The following PRPF38B variants were observed in gnomAD, a reference collection of about 807,000 sequenced individuals.
PRPF38B encodes the protein pre-mRNA processing factor 38B, also known as pre-mRNA-splicing factor 38B.
In PRPF38B, 18 loss-of-function variants were observed where a neutral mutation model predicts 67.2. That is an observed-to-expected ratio of 0.27 (90% CI 0.19 to 0.40). PRPF38B has a LOEUF of 0.40. Among genes scored for constraint, PRPF38B ranks in the 10% least tolerant of loss-of-function variants. The pLI is 1.00. For missense variants in PRPF38B, 544 were observed against 684.9 expected (o/e 0.79, Z 2.30); for synonymous variants, 246 against 234.2 (o/e 1.05, Z -0.46).
chr1:108,692,905 C>T, intron 1 of PRPF38B, 38 bp downstream of exon 1: 3 of 1,581,120 alleles, frequency 1.9e-6, no homozygotes, highest in Non-Finnish European at 1.7e-6. Context: ...GGGGTAAGTT[C>T]GGAAGAGGGG....
At chr1:108,694,255 T>TA (rs2101033603) in intron 1 of PRPF38B, among the ~76,000 whole-genome samples, 1 of 152,326 alleles carries the variant, frequency 6.6e-6, no homozygotes, top group African/African-American at 2.4e-5. Context: ...TCCTTAGCTT[T>TA]ATTTATGCAG....
At chr1:108,694,901 A>G (rs967917457) in intron 1 of PRPF38B, among the ~76,000 whole-genome samples, 1 of 152,032 alleles carries the variant, frequency 6.6e-6, no homozygotes, top group African/African-American at 2.4e-5. Flanking sequence ...CCTCTTAGCA[A>G]ATATGATACT....
Position 108,700,097 on chromosome 1 carries a change from GCAGTAGTTCGCACTCCTCAAGCTCTC to G in PRPF38B, c.*79_*104del. On this transcript the variant is annotated 3_prime_UTR_variant, in exon 6 of 6. Coordinates refer to ENST00000370025, the MANE Select transcript of PRPF38B (RefSeq NM_018061.4). Reference sequence around the variant, plus strand: ...CTTTTTTCCCCCACGTTGAGATTGTGCAGTAGTTCGCACTCCTCAAGCTCTCCCTGTAGGCTGCATTTTCATTTCCT... The same window carrying G: ...CTTTTTTCCCCCACGTTGAGATTGTGCCTGTAGGCTGCATTTTCATTTCCT... The G allele has an allele frequency of 2.0e-6, 3 of 1,511,158 alleles. No homozygotes were observed. The highest frequency in any genetic ancestry group is 2.6e-6 in the Non-Finnish European group (3 of 1,136,206). The allele number at this position is 1,511,158 out of a possible 1,614,324, so 93.6% of individuals were successfully genotyped here.
In PRPF38B at chr1:108,699,167, C is replaced by T. The variant is rs1253985212; in HGVS notation, c.788C>T (p.Pro263Leu). 1 of 1,603,162 alleles carries T rather than the reference C, an allele frequency of 6.2e-7. No homozygotes were observed. Among genetic ancestry groups the T allele is most frequent in the African/African-American group, 1.3e-5 (1 of 74,114 alleles). ...RHVERRRSRS[P>L]RRSLSPRRSP... ...TCTCCCTCCGCCTTCCTTAGGTCTCCAAGGAGATCTCTGAGTCCACGGAGG... is the reference window on the plus strand; with the variant it reads ...TCTCCCTCCGCCTTCCTTAGGTCTCTAAGGAGATCTCTGAGTCCACGGAGG... The change falls in exon 6 of 6, where the codon CCA becomes CTA. Residue 263 changes from proline (P) to leucine (L), a missense_variant. This residue lies in a region of PRPF38B where 387 missense variants were observed against 386.1 expected (regional missense o/e 1.00). Coordinates refer to ENST00000370025, the MANE Select transcript of PRPF38B (RefSeq NM_018061.4).
intron 1 of PRPF38B, among the ~76,000 whole-genome samples, chr1:108,693,127 G>A (rs1321699237): frequency 1.3e-5 from 2 of 152,210 alleles, no homozygotes; most frequent in Admixed American, 1.3e-4. Context: ...ACCCCTGGGG[G>A]GAGTTGGGCA....
In PRPF38B at chr1:108,696,029, C is replaced by A; in HGVS notation, c.346-14C>A. 6.2e-7 allele frequency: 1 copy of A among 1,606,272 alleles called. No individual in the cohort carries two copies. Among genetic ancestry groups the A allele is most frequent in the South Asian group, 1.1e-5 (1 of 89,544 alleles). On this transcript the variant is annotated splice_polypyrimidine_tract_variant and intron_variant, in intron 2 of 5. Coordinates refer to ENST00000370025, the MANE Select transcript of PRPF38B (RefSeq NM_018061.4). ...ATTATTTTACTACTTTTTCTTAACTCGTTTCCCCTAAAGGTTCGAGGTGTT... is the reference window on the plus strand; with the variant it reads ...ATTATTTTACTACTTTTTCTTAACTAGTTTCCCCTAAAGGTTCGAGGTGTT...
chr1:108,700,110 C>T lies in PRPF38B; in HGVS notation c.*90C>T. On this transcript the variant is annotated 3_prime_UTR_variant, in exon 6 of 6. Transcript: ENST00000370025. The stretch of plus-strand genomic sequence containing the variant: ...CGTTGAGATTGTGCAGTAGTTCGCA[C>T]TCCTCAAGCTCTCCCTGTAGGCTGC... 6.7e-7 allele frequency: 1 copy of T among 1,483,664 alleles called. No homozygotes were observed. Among genetic ancestry groups the T allele is most frequent in the Non-Finnish European group, 8.9e-7 (1 of 1,121,232 alleles). 91.9% of individuals were successfully genotyped at this position (1,483,664 alleles called of 1,614,324 possible).
rs1660546096 is a variant in PRPF38B at position 108,702,010 on chromosome 1, C to G, written c.*1990C>G. ...TATGGTTCCATGTGAAATGTTTTAT[C>G]TGACTATTTTAAGTAAAATGTGGAA... On this transcript the variant is annotated 3_prime_UTR_variant, in exon 6 of 6. Transcript: ENST00000370025. 6.6e-6 allele frequency among the ~76,000 whole-genome samples: 1 copy of G among 152,186 alleles called. No individual in the cohort carries two copies. Among genetic ancestry groups the G allele is most frequent in the African/African-American group, 2.4e-5 (1 of 41,448 alleles).
chr1:108,701,269 A>T lies in PRPF38B; in HGVS notation c.*1249A>T, dbSNP rs1320751120. ...AAATTGATGAAACGTCAGTAGAGTC[A>T]CACTTTGTGTACAGGGATGTCTTAG... On this transcript the variant is annotated 3_prime_UTR_variant, in exon 6 of 6. Transcript: ENST00000370025. 1 of 152,634 alleles carries T rather than the reference A, an allele frequency of 6.6e-6. No homozygotes were observed. The highest frequency in any genetic ancestry group is 2.4e-5 in the African/African-American group (1 of 41,444). The allele number at this position is 152,634 out of a possible 1,614,324, so 9.5% of individuals were successfully genotyped here. A position where few individuals can be genotyped will look rare whatever the true frequency, so the allele number is the denominator to read the frequency against.
Position 108,692,431 on chromosome 1 carries a change from G to A in PRPF38B, c.-161G>A. ...GCTCTTGGCCCGGGGTCATTTTGTCGGCGTCGGGTGCCCTCTCTTGCCCAG... is the reference window on the plus strand; with the variant it reads ...GCTCTTGGCCCGGGGTCATTTTGTCAGCGTCGGGTGCCCTCTCTTGCCCAG... On this transcript the variant is annotated 5_prime_UTR_variant, in exon 1 of 6. Transcript: ENST00000370025. 1.2e-6 allele frequency: 1 copy of A among 801,152 alleles called. No homozygotes were observed. Among genetic ancestry groups the A allele is most frequent in the South Asian group, 1.9e-5 (1 of 53,328 alleles). The allele number at this position is 801,152 out of a possible 1,614,324, so 49.6% of individuals were successfully genotyped here. A position where few individuals can be genotyped will look rare whatever the true frequency, so the allele number is the denominator to read the frequency against.
chr1:108,699,520 G>A lies in PRPF38B; in HGVS notation c.1141G>A (p.Glu381Lys), dbSNP rs1660227022. The A allele has an allele frequency of 4.5e-6, 7 of 1,562,214 alleles. No homozygotes were observed. In the Admixed American group the frequency reaches 7.8e-5, roughly 17 times the overall value. Residue 381 changes from glutamate (E) to lysine (K), a missense_variant, in exon 6 of 6, where the codon GAG (glutamate) becomes AAG (lysine). Coordinates refer to ENST00000370025, the MANE Select transcript of PRPF38B (RefSeq NM_018061.4). ...GGAAAGAGGAAATGAACGAGAAAAAGAGAGAGAGCGATCAAGAGAAAGGTC... is the reference window on the plus strand; with the variant it reads ...GGAAAGAGGAAATGAACGAGAAAAAAAGAGAGAGCGATCAAGAGAAAGGTC... The part of the protein sequence containing the change: ...DKERGNEREK[E>K]RERSRERSKE...
At chr1:108,699,002 C>T (rs1214346721) in intron 5 of PRPF38B, among the ~76,000 whole-genome samples, 160 bp from the exon 6 acceptor site, 2 of 152,120 alleles carry the variant, frequency 1.3e-5, no homozygotes, top group African/African-American at 2.4e-5. Context: ...TAAAATTATG[C>T]ATCTGTAAAT....
chr1:108,693,845 T>A (rs1051730656), intron 1 of PRPF38B, among the ~76,000 whole-genome samples: 1 of 152,228 alleles, frequency 6.6e-6, no homozygotes, highest in African/African-American at 2.4e-5. Context: ...TAAAGAATAT[T>A]AATAATAGCC....
intron 1 of PRPF38B, among the ~76,000 whole-genome samples, chr1:108,693,808 C>T (rs922078634): frequency 6.6e-6 from 1 of 152,088 alleles, no homozygotes; most frequent in African/African-American, 2.4e-5. Flanking sequence ...AAATACCTTC[C>T]AGGCCTCCGA....
At position 108,700,131 on chromosome 1, in the gene PRPF38B, G is replaced by T. The variant is rs1660331974; in HGVS notation, c.*111G>T. 7.0e-7 allele frequency: 1 copy of T among 1,432,262 alleles called. No homozygotes were observed. The highest frequency in any genetic ancestry group is 2.4e-5 in the East Asian group (1 of 41,158). 88.7% of individuals were successfully genotyped at this position (1,432,262 alleles called of 1,614,324 possible). A position where few individuals can be genotyped will look rare whatever the true frequency, so the allele number is the denominator to read the frequency against. On this transcript the variant is annotated 3_prime_UTR_variant, in exon 6 of 6. Coordinates refer to ENST00000370025, the MANE Select transcript of PRPF38B (RefSeq NM_018061.4). ...CGCACTCCTCAAGCTCTCCCTGTAGGCTGCATTTTCATTTCCTCTTTCGTG... is the reference window on the plus strand; with the variant it reads ...CGCACTCCTCAAGCTCTCCCTGTAGTCTGCATTTTCATTTCCTCTTTCGTG...
At chr1:108,696,885 C>T in intron 4 of PRPF38B, 1 of 623,194 alleles carries the variant, frequency 1.6e-6, no homozygotes, top group Non-Finnish European at 2.9e-6. Context: ...TTTCTGACTC[C>T]TAGTACACCA....
chr1:108,699,469 A>G lies in PRPF38B; in HGVS notation c.1090A>G (p.Arg364Gly). The G allele has an allele frequency of 6.2e-7, 1 of 1,609,316 alleles. No homozygotes were observed. ...REREKENERG[R>G]RRDRDYDKER... The stretch of plus-strand genomic sequence containing the variant: ...AAGAGAGAAAGAAAATGAGAGAGGT[A>G]GAAGACGAGATCGTGACTATGATAA... The change falls in exon 6 of 6, where the codon AGA becomes GGA. Residue 364 changes from arginine (R) to glycine (G), a missense_variant. Physicochemically the swap from Arg to Gly is moderately radical, Grantham distance 125. Transcript: ENST00000370025.
At chr1:108,694,797 C>T (rs1659699250) in intron 1 of PRPF38B, among the ~76,000 whole-genome samples, 1 of 151,656 alleles carries the variant, frequency 6.6e-6, no homozygotes. Context: ...TCCCAAAAGA[C>T]CTTTTTGGAT....
At position 108,692,552 on chromosome 1, in the gene PRPF38B, T is replaced by TCCCCCCCCCCCCTCCC; in HGVS notation, c.-32_-31insCCCCTCCCCCCCCCCC. On this transcript the variant is annotated 5_prime_UTR_variant, in exon 1 of 6. Transcript: ENST00000370025. ...AAGAGCGAGATCGAGCTTGGCCCCC[T>TCCCCCCCCCCCCTCCC]CCCCCCCCTCCTTCCCTCCCTCCTT... is the stretch of plus-strand genomic sequence containing the variant. The TCCCCCCCCCCCCTCCC allele has an allele frequency of 1.0e-6, 1 of 958,964 alleles. No individual in the cohort carries two copies. The highest frequency in any genetic ancestry group is 1.5e-6 in the Non-Finnish European group (1 of 673,182). The allele number at this position is 958,964 out of a possible 1,614,324, so 59.4% of individuals were successfully genotyped here.
Sources: allele counts gnomAD v4.1 joint callset (sites outside exome capture counted in the v4.1 genomes callset), GRCh38; gene constraint gnomAD v4.1.1; regional missense constraint gnomAD v4.1.1; transcripts MANE v1.5; gene names NCBI Gene and HGNC (gene_info 2026-07-23, HGNC 2026-07-21).